The following RGS7BP variants were observed in gnomAD, a reference collection of about 807,000 sequenced individuals.
RGS7BP encodes the protein regulator of G protein signaling 7-binding protein.
In RGS7BP, 9 loss-of-function variants were observed where a neutral mutation model predicts 31.3. That is an observed-to-expected ratio of 0.29 (90% CI 0.17 to 0.50). The LOEUF is 0.50. RGS7BP is among the 20% of genes least tolerant of loss of function. The pLI is 0.98. For synonymous variants in RGS7BP, 115 were observed against 120.1 expected, an observed-to-expected ratio of 0.96 and a Z score of 0.28; for missense variants, 274 against 322.0, an observed-to-expected ratio of 0.85 and a Z score of 1.14.
intron 3 of RGS7BP, among the ~76,000 whole-genome samples, chr5:64,576,425 A>G (rs1742431717): frequency 6.6e-6 from 1 of 152,206 alleles, no homozygotes; most frequent in South Asian, 2.1e-4. Context: ...TGGCTTCAGC[A>G]TGATTTCATT....
Position 64,553,508 on chromosome 5 carries a change from C to A in RGS7BP, c.333-22266C>A, listed in dbSNP as rs555811077. On this transcript the variant is annotated intron_variant, in intron 2 of 5. Transcript: ENST00000334025. Reference sequence around the variant, plus strand: ...TCCTTTATTCTTTTCTACATTCTTTCTTTCTTTTCTTTCAAAATGACACTT... The same window carrying A: ...TCCTTTATTCTTTTCTACATTCTTTATTTCTTTTCTTTCAAAATGACACTT... Among the ~76,000 whole-genome samples the A allele has an allele frequency of 2.0e-5, 3 of 152,112 alleles. No homozygotes were observed. In the South Asian group the frequency reaches 6.2e-4, roughly 32 times the overall value.
chr5:64,566,901 T>C (rs1202331241), intron 2 of RGS7BP, among the ~76,000 whole-genome samples: 1 of 152,016 alleles, frequency 6.6e-6, no homozygotes, highest in Non-Finnish European at 1.5e-5. Flanking sequence ...GGTCCATGTT[T>C]GGGGGCCCTT....
chr5:64,599,359 G>A (rs1743160961), intron 5 of RGS7BP, among the ~76,000 whole-genome samples: 1 of 152,222 alleles, frequency 6.6e-6, no homozygotes, highest in Admixed American at 6.5e-5. Context: ...AGCAAAGCCT[G>A]ATGGGAGGGA....
intron 3 of RGS7BP, among the ~76,000 whole-genome samples, chr5:64,578,855 G>T (rs1742506790): frequency 6.6e-6 from 1 of 152,152 alleles, no homozygotes; most frequent in Non-Finnish European, 1.5e-5. Flanking sequence ...CAGCATTGAT[G>T]TCCAAATCAT....
intron 2 of RGS7BP, among the ~76,000 whole-genome samples, chr5:64,553,746 G>C (rs907050153): frequency 1.3e-5 from 2 of 152,038 alleles, no homozygotes; most frequent in African/African-American, 4.8e-5. Context: ...GTGAGATAAT[G>C]TATCTATTTC....
At chr5:64,561,805 A>C (rs1742062544) in intron 2 of RGS7BP, among the ~76,000 whole-genome samples, 1 of 150,826 alleles carries the variant, frequency 6.6e-6, no homozygotes, top group African/African-American at 2.5e-5. Flanking sequence ...GGAGAGACTA[A>C]CCTAAACGTT....
chr5:64,507,189 C>A (rs1443674138), intron 1 of RGS7BP, among the ~76,000 whole-genome samples: 1 of 152,214 alleles, frequency 6.6e-6, no homozygotes, highest in Non-Finnish European at 1.5e-5. Context: ...GCGGAGGGGT[C>A]GAAGGTTCCA....
At chr5:64,584,806 T>C (rs1398263980) in intron 3 of RGS7BP, among the ~76,000 whole-genome samples, 1 of 152,222 alleles carries the variant, frequency 6.6e-6, no homozygotes, top group African/African-American at 2.4e-5. Context: ...ATAATTATTA[T>C]TTTTTGCCAT....
intron 2 of RGS7BP, among the ~76,000 whole-genome samples, chr5:64,510,411 G>C (rs1252880398): frequency 6.6e-6 from 1 of 152,170 alleles, no homozygotes; most frequent in Non-Finnish European, 1.5e-5. Context: ...ACCTTAAAAA[G>C]AGTATGCCAA....
intron 3 of RGS7BP, among the ~76,000 whole-genome samples, chr5:64,594,312 T>A (rs150239421): frequency 1.3e-5 from 2 of 152,206 alleles, no homozygotes; most frequent in East Asian, 3.9e-4. Context: ...TGTCACCTGC[T>A]CCTGGCCCTT....
intron 3 of RGS7BP, among the ~76,000 whole-genome samples, chr5:64,585,743 A>T (rs1354281325): frequency 6.6e-6 from 1 of 152,198 alleles, no homozygotes; most frequent in East Asian, 1.9e-4. Context: ...TTTTCCTCAA[A>T]CATGCCTATT....
Position 64,506,808 on chromosome 5 carries a change from T to TG in RGS7BP, c.165+19_165+20insG. On this transcript the variant is annotated intron_variant, in intron 1 of 5. Coordinates refer to ENST00000334025, the MANE Select transcript of RGS7BP (RefSeq NM_001029875.3). The surrounding 1 kb of genome is among the most constrained non-coding windows in gnomAD (Gnocchi z 4.6). ...CAAGATGGTGGGTGAAAACTGCGCC[T>TG]CTTTTTTTTTTTTTTTAATTGAGAG... is the stretch of plus-strand genomic sequence containing the variant. The TG allele has an allele frequency of 1.4e-6, 2 of 1,444,872 alleles. No homozygotes were observed. The highest frequency in any genetic ancestry group is 9.3e-7 in the Non-Finnish European group (1 of 1,078,946). 89.5% of individuals were successfully genotyped at this position (1,444,872 alleles called of 1,614,324 possible). A position where few individuals can be genotyped will look rare whatever the true frequency, so the allele number is the denominator to read the frequency against.
At chr5:64,533,229 C>T (rs1469592873) in intron 2 of RGS7BP, among the ~76,000 whole-genome samples, 2 of 152,142 alleles carry the variant, frequency 1.3e-5, no homozygotes, top group Non-Finnish European at 2.9e-5. Context: ...GCTCCTGAAA[C>T]ATCTAGAGCT....
chr5:64,584,065 CAA>C (rs949687660), intron 3 of RGS7BP, among the ~76,000 whole-genome samples: 5 of 152,176 alleles, frequency 3.3e-5, no homozygotes, highest in African/African-American at 1.2e-4. Flanking sequence ...TATCTCACTA[CAA>C]AGTTTGTGGT....
At position 64,507,844 on chromosome 5, in the gene RGS7BP, G is replaced by T; in HGVS notation, c.299G>T (p.Arg100Leu). The T allele has an allele frequency of 6.2e-7, 1 of 1,613,626 alleles. No individual in the cohort carries two copies. The change falls in exon 2 of 6, where the codon CGT becomes CTT. Residue 100 changes from arginine (R) to leucine (L), a missense_variant. Physicochemically the swap from Arg to Leu is moderately radical, Grantham distance 102. This residue lies in a region of RGS7BP where 149 missense variants were observed against 152.6 expected (regional missense o/e 0.98). Coordinates refer to ENST00000334025, the MANE Select transcript of RGS7BP (RefSeq NM_001029875.3). ...AGAACCAAAGGCTGTGAAATGGCCC[G>T]TCAGGCACACCAAAAATTGGCTGCC... The part of the protein sequence containing the change: ...KTRTKGCEMA[R>L]QAHQKLAAIS...
intron 2 of RGS7BP, among the ~76,000 whole-genome samples, chr5:64,518,068 T>C (rs1277749007): frequency 6.6e-6 from 1 of 152,178 alleles, no homozygotes; most frequent in South Asian, 2.1e-4. Flanking sequence ...CAACATGATC[T>C]ATGGTCAAGA....
chr5:64,602,518 A>G (rs892639362), intron 5 of RGS7BP, among the ~76,000 whole-genome samples: 5 of 152,194 alleles, frequency 3.3e-5, no homozygotes, highest in East Asian at 1.9e-4. Flanking sequence ...CATCCAACAT[A>G]TAATGGTCAC....
In RGS7BP at chr5:64,578,255, T is replaced by C. The variant is rs1161017097; in HGVS notation, c.463+2351T>C. On this transcript the variant is annotated intron_variant, in intron 3 of 5. Coordinates refer to ENST00000334025, the MANE Select transcript of RGS7BP (RefSeq NM_001029875.3). ...ATTTTTAAAAAATAATCAGAAAAAC[T>C]GCTGCCCCCTGCTCTAGTGCCTAAA... 2.0e-5 allele frequency among the ~76,000 whole-genome samples: 3 copies of C among 152,310 alleles called. No homozygotes were observed. In the East Asian group the frequency reaches 5.8e-4, roughly 29 times the overall value.
In RGS7BP at chr5:64,611,417, G is replaced by A. The variant is rs1375926195; in HGVS notation, c.*2165G>A. 1.3e-5 allele frequency: 2 copies of A among 152,072 alleles called. No homozygotes were observed. Among genetic ancestry groups the A allele is most frequent in the African/African-American group, 4.8e-5 (2 of 41,286 alleles). 9.4% of individuals were successfully genotyped at this position (152,072 alleles called of 1,614,324 possible). On this transcript the variant is annotated 3_prime_UTR_variant, in exon 6 of 6. Coordinates refer to ENST00000334025, the MANE Select transcript of RGS7BP (RefSeq NM_001029875.3). Reference sequence around the variant, plus strand: ...GCCTGACCTAAATAACTTCTGCTTGGTTAACTTGTGTTCATTCTCACCTTA... The same window carrying A: ...GCCTGACCTAAATAACTTCTGCTTGATTAACTTGTGTTCATTCTCACCTTA...
Sources: allele counts gnomAD v4.1 joint callset (sites outside exome capture counted in the v4.1 genomes callset), GRCh38; gene constraint gnomAD v4.1.1; regional missense constraint gnomAD v4.1.1; non-coding constraint Gnocchi (gnomAD v3.1); transcripts MANE v1.5; gene names NCBI Gene and HGNC (gene_info 2026-07-23, HGNC 2026-07-21).